VPS54: variants seen among roughly 807,000 people sequenced by gnomAD.
VPS54 encodes vacuolar protein sorting-associated protein 54.
In VPS54, 45 loss-of-function variants were observed where a neutral mutation model predicts 121.5. That is an observed-to-expected ratio of 0.37 (90% CI 0.29 to 0.47). The LOEUF (loss-of-function observed/expected upper bound fraction) is 0.47. Among genes scored for constraint, VPS54 ranks in the 20% least tolerant of loss-of-function variants. VPS54 has a pLI of 0.99. For synonymous variants in VPS54, 371 were observed against 385.8 expected (o/e 0.96, Z 0.45); for missense variants, 1,090 against 1,131.4 (o/e 0.96, Z 0.52).
chr2:63,950,565 G>T (rs182607935), intron 7 of VPS54, among the ~76,000 whole-genome samples: 1 of 152,086 alleles, frequency 6.6e-6, no homozygotes, highest in African/African-American at 2.4e-5. Flanking sequence ...CCAGAAAAAG[G>T]GTTCTCATCC....
At chr2:63,938,749 G>A (rs1486482829) in intron 11 of VPS54, among the ~76,000 whole-genome samples, 1 of 152,204 alleles carries the variant, frequency 6.6e-6, no homozygotes, top group Non-Finnish European at 1.5e-5. Flanking sequence ...ACAGGCGTGA[G>A]CCACCACGCC....
At position 63,992,278 on chromosome 2, in the gene VPS54, C is replaced by T. The variant is rs370618961; in HGVS notation, c.-20-8259G>A. Among the ~76,000 whole-genome samples the T allele has an allele frequency of 5.3e-5, 8 of 152,330 alleles. No homozygotes were observed. In the South Asian group the frequency reaches 1.7e-3, roughly 32 times the overall value. ...GTAATTTCTGAACAACAGCCTACCT[C>T]CATACACATTCAAGGAAAAAAGTTT... On this transcript the variant is annotated intron_variant, in intron 1 of 22. Coordinates refer to ENST00000272322, the MANE Select transcript of VPS54 (RefSeq NM_016516.3).
chr2:64,001,733 A>T (rs114336971), intron 1 of VPS54, among the ~76,000 whole-genome samples: 2,416 of 151,998 alleles, frequency 0.016, 24 homozygotes, highest in Non-Finnish European at 0.026. Flanking sequence ...GATATCCAAG[A>T]TGTAAGACAA....
intron 7 of VPS54, among the ~76,000 whole-genome samples, chr2:63,950,361 T>C (rs1284136806): frequency 6.6e-6 from 1 of 152,172 alleles, no homozygotes; most frequent in Non-Finnish European, 1.5e-5. Context: ...AAGGTACTTA[T>C]GACTCTCTGA....
intron 19 of VPS54, 22 bp downstream of exon 19, chr2:63,912,518 T>G: frequency 6.2e-7 from 1 of 1,612,002 alleles, no homozygotes; most frequent in Non-Finnish European, 8.5e-7. Context: ...GAAACGCCAA[T>G]AGAAAATATA....
intron 12 of VPS54, among the ~76,000 whole-genome samples, chr2:63,930,181 G>A (rs1674121892): frequency 6.6e-6 from 1 of 152,118 alleles, no homozygotes; most frequent in Admixed American, 6.5e-5. Flanking sequence ...GCATTATCCT[G>A]ATACCAAAGC....
At chr2:63,899,982 T>C (rs1042222562) in intron 20 of VPS54, among the ~76,000 whole-genome samples, 1 of 152,074 alleles carries the variant, frequency 6.6e-6, no homozygotes, top group Non-Finnish European at 1.5e-5. Context: ...ACAAAGTAAG[T>C]ACTCAAAAAA....
chr2:63,980,780 C>T (rs1676768734), intron 3 of VPS54, among the ~76,000 whole-genome samples: 1 of 151,940 alleles, frequency 6.6e-6, no homozygotes, highest in Non-Finnish European at 1.5e-5. Context: ...GTTACAAAGG[C>T]ATATTAATGT....
At chr2:63,901,114 G>A (rs184173664) in intron 20 of VPS54, among the ~76,000 whole-genome samples, 5 of 152,120 alleles carry the variant, frequency 3.3e-5, no homozygotes, top group South Asian at 4.1e-4. Flanking sequence ...CATTCTAATC[G>A]TATGATTAAT....
intron 1 of VPS54, among the ~76,000 whole-genome samples, chr2:63,985,677 TTA>T (rs891605876): frequency 1.5e-4 from 17 of 112,672 alleles, no homozygotes; most frequent in African/African-American, 3.4e-4. Flanking sequence ...AAGTGACAAA[TTA>T]TACACACACA....
At chr2:63,911,089 T>C (rs1673128536) in intron 20 of VPS54, among the ~76,000 whole-genome samples, 1 of 151,880 alleles carries the variant, frequency 6.6e-6, no homozygotes, top group Admixed American at 6.6e-5. Context: ...TACAGTCTTC[T>C]AACCTTGTTA....
At chr2:63,904,329 C>G (rs543599570) in intron 20 of VPS54, among the ~76,000 whole-genome samples, 1 of 149,316 alleles carries the variant, frequency 6.7e-6, no homozygotes, top group East Asian at 2.0e-4. Flanking sequence ...ATCCCACTTA[C>G]TCAGGAGGCT....
In VPS54 at chr2:63,922,246, T is replaced by C. The variant is rs557452431; in HGVS notation, c.1740-911A>G. 2.6e-5 allele frequency among the ~76,000 whole-genome samples: 4 copies of C among 152,326 alleles called. No homozygotes were observed. In the South Asian group the frequency reaches 8.3e-4, roughly 32 times the overall value. ...AAACATTTTCCCCCAGGGGCATATATAAAGACCAATGATTCCATGCCATCA... is the reference window on the plus strand; with the variant it reads ...AAACATTTTCCCCCAGGGGCATATACAAAGACCAATGATTCCATGCCATCA... On this transcript the variant is annotated intron_variant, in intron 12 of 22. Coordinates refer to ENST00000272322, the MANE Select transcript of VPS54 (RefSeq NM_016516.3).
intron 1 of VPS54, among the ~76,000 whole-genome samples, chr2:63,985,097 A>G (rs1032681983): frequency 4.6e-5 from 7 of 152,204 alleles, no homozygotes; most frequent in African/African-American, 1.4e-4. Context: ...AAGCAGGCGG[A>G]TTACTTGAGT....
At chr2:63,897,462 T>C in intron 22 of VPS54, 34 bp downstream of exon 22, 1 of 1,353,062 alleles carries the variant, frequency 7.4e-7, no homozygotes, top group Non-Finnish European at 1.0e-6. Context: ...CAATTCGATA[T>C]GGGAGTATAT....
rs539196466 is a variant in VPS54, at chr2:63,995,662, T to C, written c.-20-11643A>G. Among the ~76,000 whole-genome samples, 5 of 152,360 alleles carry C rather than the reference T, an allele frequency of 3.3e-5. No individual in the cohort carries two copies. In the East Asian group the frequency reaches 5.8e-4, roughly 18 times the overall value. ...ACCAAAAATTGGCTAATCAAATTAA[T>C]GATTTAAGACAGTCTGTTATTTGGC... On this transcript the variant is annotated intron_variant, in intron 1 of 22. Coordinates refer to ENST00000272322, the MANE Select transcript of VPS54 (RefSeq NM_016516.3).
At chr2:64,004,972 C>T (rs1678055387) in intron 1 of VPS54, among the ~76,000 whole-genome samples, 1 of 150,854 alleles carries the variant, frequency 6.6e-6, no homozygotes, top group Non-Finnish European at 1.5e-5. Flanking sequence ...GAGACGAGGT[C>T]TCACTATGTT....
intron 3 of VPS54, 77 bp from the exon 4 acceptor site, chr2:63,972,321 A>C (rs1035653052): frequency 1.0e-5 from 11 of 1,054,536 alleles, no homozygotes; most frequent in Non-Finnish European, 1.4e-5. Flanking sequence ...TTTGCAACAG[A>C]ATATCAGAAT....
chr2:63,920,699 C>T (rs1180573392), intron 13 of VPS54, 72 bp from the exon 14 acceptor site: 5 of 854,900 alleles, frequency 5.8e-6, no homozygotes, highest in Middle Eastern at 3.6e-4. Flanking sequence ...GTTAGTTTAA[C>T]GATTATTATA....
Sources: allele counts gnomAD v4.1 joint callset (sites outside exome capture counted in the v4.1 genomes callset), GRCh38; gene constraint gnomAD v4.1.1; transcripts MANE v1.5; gene names NCBI Gene and HGNC (gene_info 2026-07-23, HGNC 2026-07-21).